Variants in LOXHD1 observed in about 807,000 individuals in gnomAD.
LOXHD1 encodes the protein lipoxygenase homology domain-containing protein 1.
LOXHD1 carries 205 observed loss-of-function variants against 248.2 expected under a neutral mutation model. The ratio of observed to expected loss-of-function variants is 0.83; its 90% CI spans 0.74 to 0.93. The LOEUF is 0.93. LOXHD1 is among the 40% of genes least tolerant of loss of function. LOXHD1 has a pLI of 0.00. For missense variants in LOXHD1, 2,930 were observed against 2,971.6 expected, an observed-to-expected ratio of 0.99 and a Z score of 0.33; for synonymous variants, 1,113 against 1,162.8, an observed-to-expected ratio of 0.96 and a Z score of 0.87.
At chr18:46,557,314 C>T (rs2037382636) in intron 21 of LOXHD1, 42 bp downstream of exon 21, 1 of 1,551,812 alleles carries the variant, frequency 6.4e-7, no homozygotes, top group Admixed American at 2.0e-5. Flanking sequence ...CATGGCCTCC[C>T]TCAGAGCAAC....
intron 17 of LOXHD1, among the ~76,000 whole-genome samples, chr18:46,563,814 G>A (rs2037579892): frequency 6.6e-6 from 1 of 152,106 alleles, no homozygotes; most frequent in African/African-American, 2.4e-5. Context: ...GTGGCACACA[G>A]AGAGACACCA....
In LOXHD1 at chr18:46,533,316, C is replaced by A. The variant is rs748241810; in HGVS notation, c.4221G>T (p.Glu1407Asp). The A allele has an allele frequency of 1.0e-5, 16 of 1,551,802 alleles. No homozygotes were observed. The highest frequency in any genetic ancestry group is 1.4e-5 in the African/African-American group (1 of 73,180). The change falls in exon 28 of 41, where the codon GAG (glutamate) becomes GAT (aspartate). Residue 1407 changes from glutamate to aspartate, a missense_variant. Coordinates refer to ENST00000642948, the MANE Select transcript of LOXHD1 (RefSeq NM_001384474.1). ...RRLLPDKDGAETLTFPCDRWL... is the reference protein window; with the variant it reads ...RRLLPDKDGADTLTFPCDRWL... ...ACCGATCGCATGGGAAAGTCAAGGT[C>A]TCTGCACCCTGGGGTGAGGCAGAAA...
At chr18:46,485,801 G>A (rs543787586) in intron 38 of LOXHD1, among the ~76,000 whole-genome samples, 1 of 152,162 alleles carries the variant, frequency 6.6e-6, no homozygotes, top group African/African-American at 2.4e-5. Flanking sequence ...AGTACCGTGG[G>A]GTAAGAGGAA....
At chr18:46,627,841 T>C (rs918836441) in intron 4 of LOXHD1, among the ~76,000 whole-genome samples, 7 of 152,220 alleles carry the variant, frequency 4.6e-5, no homozygotes, top group African/African-American at 1.7e-4. Flanking sequence ...CTTCTTCCTC[T>C]ATGCTCCCAT....
chr18:46,517,156 T>G (rs1421698773), intron 34 of LOXHD1, among the ~76,000 whole-genome samples: 1 of 152,174 alleles, frequency 6.6e-6, no homozygotes, highest in Non-Finnish European at 1.5e-5. Context: ...GTCTGTCATC[T>G]CTGGTTCTTA....
intron 21 of LOXHD1, among the ~76,000 whole-genome samples, chr18:46,547,469 A>C (rs181210202): frequency 6.6e-6 from 1 of 152,364 alleles, no homozygotes; most frequent in African/African-American, 2.4e-5. Context: ...GTGTTGAACT[A>C]ATGGATTTTA....
rs1460213657 is a variant in LOXHD1, at chr18:46,522,160, C to T, written c.5026G>A (p.Gly1676Ser). 1 of 1,551,566 alleles carries T rather than the reference C, an allele frequency of 6.4e-7. No homozygotes were observed. Among genetic ancestry groups the T allele is most frequent in the East Asian group, 2.4e-5 (1 of 40,932 alleles). ...YPRGKRGFSRGSVEEFYVAGL... is the reference protein window; with the variant it reads ...YPRGKRGFSRSSVEEFYVAGL... ...GCGACGTAGAACTCCTCCACAGAGC[C>T]ACGGCTGAAGCCCCTCTTCCCTCGG... The change falls in exon 32 of 41, where the codon GGC (glycine) becomes AGC (serine). Residue 1676 changes from glycine (G) to serine (S), a missense_variant. Physicochemically the swap from Gly to Ser is moderately conservative, Grantham distance 56. Coordinates refer to ENST00000642948, the MANE Select transcript of LOXHD1 (RefSeq NM_001384474.1).
chr18:46,581,549 T>C (rs1352046832), intron 12 of LOXHD1, among the ~76,000 whole-genome samples: 1 of 152,214 alleles, frequency 6.6e-6, no homozygotes, highest in Non-Finnish European at 1.5e-5. Context: ...TTGGTCATCA[T>C]AGGTATATGG....
Position 46,507,259 on chromosome 18 carries a change from C to T in LOXHD1, c.5692+279G>A, listed in dbSNP as rs1446262128. Among the ~76,000 whole-genome samples, 7 of 152,332 alleles carry T rather than the reference C, an allele frequency of 4.6e-5. No individual in the cohort carries two copies. In the East Asian group the frequency reaches 1.2e-3, roughly 25 times the overall value. ...AGGCAGCAGAAGGAAGATGGGAAGG[C>T]TCTGCATCAAGTGCCTGTACCATTT... On this transcript the variant is annotated intron_variant, in intron 36 of 40. Transcript: ENST00000642948.
intron 6 of LOXHD1, 100 bp from the exon 7 acceptor site, chr18:46,604,329 ATGTAC>A (rs2038382321): frequency 2.1e-6 from 3 of 1,446,368 alleles, no homozygotes; most frequent in Non-Finnish European, 2.8e-6. Flanking sequence ...TACTTTAAGA[ATGTAC>A]TGATATCTGT....
At chr18:46,613,249 T>C (rs1316970910) in intron 5 of LOXHD1, among the ~76,000 whole-genome samples, 1 of 152,188 alleles carries the variant, frequency 6.6e-6, no homozygotes, top group Non-Finnish European at 1.5e-5. Context: ...TCAATTTATT[T>C]ACATATTCTT....
At chr18:46,573,022 C>CGAAAA (rs2037785204) in intron 14 of LOXHD1, among the ~76,000 whole-genome samples, 1 of 57,376 alleles carries the variant, frequency 1.7e-5, no homozygotes, top group Non-Finnish European at 2.9e-5. Flanking sequence ...GACTCCGTCT[C>CGAAAA]AAAAAAAAAA....
intron 17 of LOXHD1, among the ~76,000 whole-genome samples, chr18:46,563,732 C>T (rs143163236): frequency 9.2e-5 from 14 of 152,248 alleles, no homozygotes; most frequent in African/African-American, 2.9e-4. Context: ...AAAGAGGTGA[C>T]TAGTTTAAAT....
chr18:46,638,152 C>T (rs969484938), intron 4 of LOXHD1, among the ~76,000 whole-genome samples: 2 of 151,952 alleles, frequency 1.3e-5, no homozygotes, highest in Admixed American at 1.3e-4. Flanking sequence ...TGCACCAGCC[C>T]ATTCATTTAA....
chr18:46,601,013 G>A (rs1308160023), intron 8 of LOXHD1, among the ~76,000 whole-genome samples: 2 of 152,152 alleles, frequency 1.3e-5, no homozygotes, highest in Non-Finnish European at 2.9e-5. Context: ...GCCCTTGGAC[G>A]CTTGCACAGA....
At chr18:46,529,384 C>A in intron 28 of LOXHD1, 53 bp from the exon 29 acceptor site, 5 of 1,491,674 alleles carry the variant, frequency 3.4e-6, no homozygotes, top group South Asian at 1.4e-5. Flanking sequence ...AGGGTGACAG[C>A]GCTTTAGGTC....
intron 37 of LOXHD1, among the ~76,000 whole-genome samples, chr18:46,489,752 C>T (rs768518395): frequency 3.9e-5 from 6 of 152,214 alleles, no homozygotes; most frequent in Non-Finnish European, 8.8e-5. Context: ...TTACATGTGT[C>T]TCATCCTCCA....
At chr18:46,533,874 C>T in intron 27 of LOXHD1, 1 of 179,794 alleles carries the variant, frequency 5.6e-6, no homozygotes, top group Admixed American at 5.7e-5. Context: ...CTGTTGCACT[C>T]CAGCCTGGGT....
chr18:46,599,687 C>T (rs2038306589), intron 8 of LOXHD1, among the ~76,000 whole-genome samples: 1 of 151,814 alleles, frequency 6.6e-6, no homozygotes. Context: ...AATTAATATC[C>T]AGATTAAATT....
Sources: allele counts gnomAD v4.1 joint callset (sites outside exome capture counted in the v4.1 genomes callset), GRCh38; gene constraint gnomAD v4.1.1; transcripts MANE v1.5; gene names NCBI Gene and HGNC (gene_info 2026-07-23, HGNC 2026-07-21).